ABLIM2: variants seen among roughly 807,000 people sequenced by gnomAD.
ABLIM2 encodes actin-binding LIM protein 2.
Under a neutral mutation model 97.7 loss-of-function variants are expected in ABLIM2, and 53 were observed. The ratio of observed to expected loss-of-function variants is 0.54; its 90% CI spans 0.44 to 0.68. ABLIM2 has a LOEUF of 0.68. Ranked by LOEUF, ABLIM2 falls within the 30% of genes least tolerant of loss-of-function variation. The pLI is 0.00. For missense variants in ABLIM2, 835 were observed against 867.2 expected (o/e 0.96, Z 0.47); for synonymous variants, 361 against 345.8 (o/e 1.04, Z -0.49).
At chr4:8,041,010 C>T (rs995703563) in intron 9 of ABLIM2, among the ~76,000 whole-genome samples, 1 of 152,244 alleles carries the variant, frequency 6.6e-6, no homozygotes, top group African/African-American at 2.4e-5. Context: ...ACACATTCTC[C>T]CTTGTGTCAA....
intron 1 of ABLIM2, among the ~76,000 whole-genome samples, chr4:8,131,630 CT>C (rs1429365643): frequency 1.3e-5 from 2 of 149,198 alleles, no homozygotes; most frequent in Admixed American, 6.6e-5. Flanking sequence ...GCCTGCATCC[CT>C]GAGCACAGCA....
In ABLIM2 at chr4:8,040,052, C is replaced by T. The variant is rs192572748; in HGVS notation, c.901-3757G>A. 1.3e-4 allele frequency among the ~76,000 whole-genome samples: 20 copies of T among 152,212 alleles called. No individual in the cohort carries two copies. In the East Asian group the frequency reaches 3.5e-3, roughly 26 times the overall value. On this transcript the variant is annotated intron_variant, in intron 9 of 20. Coordinates refer to ENST00000447017, the MANE Select transcript of ABLIM2 (RefSeq NM_001130083.2). Reference sequence around the variant, plus strand: ...CCCTGCCCGCCAAGCCCTCACGGTCCGTGGAGGAGATGCAGCCACTTGGTG... The same window carrying T: ...CCCTGCCCGCCAAGCCCTCACGGTCTGTGGAGGAGATGCAGCCACTTGGTG...
At position 8,029,774 on chromosome 4, in the gene ABLIM2, C is replaced by T. The variant is rs374578092; in HGVS notation, c.1050G>A (p.Gly350=). ...GCTTGTAGGACCGGTCATCCTGATC[C>T]CCCTGGGAGGGAAGATGCAGCTTGT... ...SAGDRQSYGE[G]DQDDRSYKQC... Residue 350 remains glycine, a splice_region_variant and synonymous_variant, in exon 11 of 21, where the codon GGG becomes GGA. Transcript: ENST00000447017. The T allele has an allele frequency of 1.9e-6, 3 of 1,569,842 alleles. No homozygotes were observed. Among genetic ancestry groups the T allele is most frequent in the East Asian group, 4.7e-5 (2 of 42,348 alleles).
intron 20 of ABLIM2, among the ~76,000 whole-genome samples, chr4:7,974,670 C>CACCA (rs148229062): frequency 0.026 from 3,965 of 151,656 alleles, 186 homozygotes; most frequent in African/African-American, 0.092. Flanking sequence ...CCTATCCATC[C>CACCA]ACCCATCCAT....
chr4:8,010,784 C>G (rs558231378), intron 14 of ABLIM2: 2 of 171,990 alleles, frequency 1.2e-5, no homozygotes, highest in Non-Finnish European at 2.3e-5. Flanking sequence ...GACGCATGCC[C>G]GCAGCTGGAC....
At chr4:8,048,160 T>A (rs1196121650) in intron 8 of ABLIM2, among the ~76,000 whole-genome samples, 1 of 152,236 alleles carries the variant, frequency 6.6e-6, no homozygotes, top group Non-Finnish European at 1.5e-5. Context: ...AGCTCTGCGA[T>A]GGGTGGGGAT....
At chr4:8,139,508 C>G (rs528327471) in intron 1 of ABLIM2, among the ~76,000 whole-genome samples, 1 of 152,144 alleles carries the variant, frequency 6.6e-6, no homozygotes, top group East Asian at 1.9e-4. Context: ...AAAAGCTCAA[C>G]GTCAATGATC....
chr4:8,088,134 C>T (rs1825014802), intron 4 of ABLIM2, 35 bp downstream of exon 4: 2 of 1,275,574 alleles, frequency 1.6e-6, no homozygotes, highest in South Asian at 1.3e-5. Flanking sequence ...TCAGCATGCC[C>T]CCACTCAACA....
intron 1 of ABLIM2, 130 bp from the exon 2 acceptor site, chr4:8,106,767 G>C: frequency 8.8e-7 from 1 of 1,141,582 alleles, no homozygotes; most frequent in Non-Finnish European, 1.2e-6. Flanking sequence ...CGAGCCGCAC[G>C]GGGCATCGGG....
At chr4:7,990,993 C>T (rs1401615443) in intron 17 of ABLIM2, among the ~76,000 whole-genome samples, 2 of 152,226 alleles carry the variant, frequency 1.3e-5, no homozygotes, top group Admixed American at 6.5e-5. Context: ...ATCAGCTCTC[C>T]AAGCACATGC....
chr4:8,098,683 C>T (rs1354142805), intron 2 of ABLIM2, among the ~76,000 whole-genome samples: 2 of 152,208 alleles, frequency 1.3e-5, no homozygotes, highest in Non-Finnish European at 2.9e-5. Context: ...GCGTAGTGTG[C>T]TGTGTGTCCC....
intron 3 of ABLIM2, among the ~76,000 whole-genome samples, chr4:8,089,878 G>A (rs1826200370): frequency 6.6e-6 from 1 of 152,034 alleles, no homozygotes; most frequent in South Asian, 2.1e-4. Context: ...AGGGGGCCAC[G>A]CTTGGTCTAC....
In ABLIM2 at chr4:8,020,220, G is replaced by A. The variant is rs528342892; in HGVS notation, c.1351C>T (p.Arg451Cys). 2.3e-5 allele frequency: 37 copies of A among 1,613,686 alleles called. No homozygotes were observed. Among genetic ancestry groups the A allele is most frequent in the Non-Finnish European group, 2.9e-5 (34 of 1,179,766 alleles). ...PPPSTYQQAPRHFHVPDTGVK... is the reference protein window; with the variant it reads ...PPPSTYQQAPCHFHVPDTGVK... ...AGCCTACCTGGGACGTGGAAGTGGCGAGGTGCCTGCTGGTAGGTGGAGGGG... is the reference window on the plus strand; with the variant it reads ...AGCCTACCTGGGACGTGGAAGTGGCAAGGTGCCTGCTGGTAGGTGGAGGGG... The change falls in exon 13 of 21, where the codon CGC becomes TGC. Residue 451 changes from arginine to cysteine, a missense_variant. By Grantham distance (180) the Arg-to-Cys change is radical (BLOSUM62 -3). Transcript: ENST00000447017.
intron 6 of ABLIM2, among the ~76,000 whole-genome samples, chr4:8,073,625 A>C (rs1467538624): frequency 6.6e-6 from 1 of 151,874 alleles, no homozygotes; most frequent in East Asian, 2.0e-4. Context: ...GGGATGCATC[A>C]CTGGCTGTAA....
chr4:7,981,962 G>A (rs1165666349), intron 20 of ABLIM2, among the ~76,000 whole-genome samples: 2 of 152,132 alleles, frequency 1.3e-5, no homozygotes, highest in African/African-American at 2.4e-5. Context: ...GGGCTTCCCC[G>A]GGCCTGGAAT....
chr4:8,035,496 G>A (rs551604901), intron 10 of ABLIM2, among the ~76,000 whole-genome samples: 12 of 152,288 alleles, frequency 7.9e-5, no homozygotes, highest in South Asian at 4.1e-4. Flanking sequence ...ACACACACTC[G>A]GGCCAACAGC....
intron 1 of ABLIM2, among the ~76,000 whole-genome samples, chr4:8,114,754 C>A (rs941593844): frequency 1.3e-5 from 2 of 151,804 alleles, no homozygotes; most frequent in African/African-American, 4.8e-5. Flanking sequence ...GCACTCTCTC[C>A]TTGCCAAGAG....
In ABLIM2 at chr4:8,082,150, A is replaced by G. The variant is rs915063159; in HGVS notation, c.455-1348T>C. On this transcript the variant is annotated intron_variant, in intron 4 of 20. Transcript: ENST00000447017. This position sits in a 1 kb window ranked among gnomAD's most constrained non-coding sequence, Gnocchi z 5.6. ...TGACAAACAGGGCCTTGCCGCCTGC[A>G]GGAGCCCCTGAGTAATTCACAGACC... 8.5e-5 allele frequency among the ~76,000 whole-genome samples: 13 copies of G among 152,118 alleles called. No individual in the cohort carries two copies. Among genetic ancestry groups the G allele is most frequent in the African/African-American group, 3.1e-4 (13 of 41,418 alleles).
At chr4:8,129,578 C>T (rs1248889355) in intron 1 of ABLIM2, among the ~76,000 whole-genome samples, 1 of 152,218 alleles carries the variant, frequency 6.6e-6, no homozygotes, top group Non-Finnish European at 1.5e-5. Flanking sequence ...ATCCGGGGCA[C>T]AGAACCTGAA....
Sources: allele counts gnomAD v4.1 joint callset (sites outside exome capture counted in the v4.1 genomes callset), GRCh38; gene constraint gnomAD v4.1.1; non-coding constraint Gnocchi (gnomAD v3.1); transcripts MANE v1.5; gene names NCBI Gene and HGNC (gene_info 2026-07-23, HGNC 2026-07-21).